ARVCF: variants seen among roughly 807,000 people sequenced by gnomAD.
The protein encoded by ARVCF is splicing regulator ARVCF.
In ARVCF, 66 loss-of-function variants were observed where a neutral mutation model predicts 90.9. The ratio of observed to expected loss-of-function variants is 0.73; its 90% confidence interval spans 0.60 to 0.89. ARVCF has a LOEUF of 0.89. Ranked by LOEUF, ARVCF falls within the 40% of genes least tolerant of loss-of-function variation. The pLI is 0.00. For synonymous variants in ARVCF, 653 were observed against 603.4 expected (o/e 1.08, Z -1.21); for missense variants, 1,469 against 1,382.3 (o/e 1.06, Z -1.00).
intron 3 of ARVCF, chr22:19,983,762 CT>C: frequency 6.6e-6 from 1 of 152,282 alleles, no homozygotes; most frequent in Non-Finnish European, 1.5e-5. Flanking sequence ...CGCCCTCAGT[CT>C]TGAGATGTAG....
chr22:19,970,404 G>T lies in ARVCF; in HGVS notation c.*352C>A. 1 of 1,052,334 alleles carries T rather than the reference G, an allele frequency of 9.5e-7. No homozygotes were observed. The highest frequency in any genetic ancestry group is 2.7e-5 in the South Asian group (1 of 37,056). 65.2% of individuals were successfully genotyped at this position (1,052,334 alleles called of 1,614,324 possible). A position where few individuals can be genotyped will look rare whatever the true frequency, so the allele number is the denominator to read the frequency against. On this transcript the variant is annotated 3_prime_UTR_variant, in exon 20 of 20. Transcript: ENST00000263207. ...ACCACTGGGGCACTGTGTTCCCAGG[G>T]GCACCCTCCTATCCCACCAGCCCCA...
intron 7 of ARVCF, 103 bp from the exon 8 acceptor site, chr22:19,978,178 G>A (rs929383832): frequency 3.9e-6 from 4 of 1,020,300 alleles, no homozygotes; most frequent in Non-Finnish European, 4.2e-6. Flanking sequence ...AGGCCCTGCT[G>A]CTGCCCTCCT....
chr22:19,974,027 CCAGCCGAGG>C, intron 12 of ARVCF, 76 bp downstream of exon 12: 2 of 1,533,454 alleles, frequency 1.3e-6, no homozygotes, highest in Non-Finnish European at 1.7e-6. Flanking sequence ...CCTTTCCCCG[CCAGCCGAGG>C]CAGGAGCTGC....
At chr22:19,981,082 A>C in intron 5 of ARVCF, 129 bp downstream of exon 5, 152 of 1,158,138 alleles carry the variant, frequency 1.3e-4, no homozygotes, top group Middle Eastern at 3.0e-4. Flanking sequence ...GACGAGAGCC[A>C]AGGCCAATTC....
intron 4 of ARVCF, 69 bp downstream of exon 4, chr22:19,981,864 A>G: frequency 6.3e-7 from 1 of 1,578,056 alleles, no homozygotes; most frequent in South Asian, 1.2e-5. Flanking sequence ...TTCCATGTCC[A>G]CTCTGCAGGT....
chr22:19,974,405 G>A (rs1316035065), intron 11 of ARVCF, 166 bp from the exon 12 acceptor site: 7 of 805,086 alleles, frequency 8.7e-6, no homozygotes, highest in Non-Finnish European at 1.2e-5. Flanking sequence ...TCACCCAAGG[G>A]GAAAAGCGTT....
chr22:19,974,578 C>T (rs1943043919), intron 11 of ARVCF, among the ~76,000 whole-genome samples: 1 of 152,066 alleles, frequency 6.6e-6, no homozygotes, highest in Non-Finnish European at 1.5e-5. Context: ...TGCATCCTGG[C>T]CACGCCCCTG....
intron 3 of ARVCF, among the ~76,000 whole-genome samples, chr22:19,988,140 C>T (rs959499455): frequency 7.2e-5 from 11 of 152,192 alleles, no homozygotes; most frequent in African/African-American, 2.7e-4. Context: ...AAACAGCCTC[C>T]GCAGGGACCA....
chr22:19,982,654 G>A (rs1368036496), intron 3 of ARVCF, among the ~76,000 whole-genome samples: 1 of 151,990 alleles, frequency 6.6e-6, no homozygotes, highest in Non-Finnish European at 1.5e-5. Flanking sequence ...CGCCACCAAC[G>A]CCAGCCAGAC....
rs559779679 is a variant in ARVCF at position 19,990,749 on chromosome 22, C to T, written c.46G>A (p.Val16Met). ...VHSAASILASVKEQEARFERL... is the reference protein window; with the variant it reads ...VHSAASILASMKEQEARFERL... ...TCGAAGCGGGCCTCCTGCTCCTTCA[C>T]CGAGGCCAGGATGCTGGCGGCCGAG... Residue 16 changes from valine (V) to methionine (M), a missense_variant, in exon 3 of 20, where the codon GTG becomes ATG. Coordinates refer to ENST00000263207, the MANE Select transcript of ARVCF (RefSeq NM_001670.3). 8 of 1,589,646 alleles carry T rather than the reference C, an allele frequency of 5.0e-6. No individual in the cohort carries two copies. The highest frequency in any genetic ancestry group is 3.4e-5 in the South Asian group (3 of 88,042).
intron 11 of ARVCF, among the ~76,000 whole-genome samples, chr22:19,975,074 C>G (rs1209490910): frequency 6.6e-6 from 1 of 152,184 alleles, no homozygotes; most frequent in Non-Finnish European, 1.5e-5. Context: ...CTCCAACACA[C>G]TCCAAGCACA....
chr22:20,015,017 G>A (rs569804110), intron 1 of ARVCF, among the ~76,000 whole-genome samples: 1 of 152,286 alleles, frequency 6.6e-6, no homozygotes, highest in South Asian at 2.1e-4. Context: ...AGCAAACATG[G>A]GAGCCAAGCA....
downstream of ARVCF, chr22:19,966,943 G>C (rs1942432531): frequency 4.1e-6 from 4 of 985,388 alleles, no homozygotes; most frequent in Non-Finnish European, 4.8e-6. Flanking sequence ...CACGGCATTA[G>C]ATTTTCAGTC....
Position 19,981,583 on chromosome 22 carries a change from A to G in ARVCF, c.524T>C (p.Val175Ala), listed in dbSNP as rs2240717. 592,356 of 1,605,462 alleles carry G rather than the reference A, an allele frequency of 0.37. 112,110 individuals are homozygous for G. Among genetic ancestry groups the G allele is most frequent in the African/African-American group, 0.56 (41,860 of 74,896 alleles). The change falls in exon 5 of 20, where the codon GTG (valine) becomes GCG (alanine). Residue 175 changes from valine (V) to alanine (A), a missense_variant. By Grantham distance (64) the Val-to-Ala change is moderately conservative. Coordinates refer to ENST00000263207, the MANE Select transcript of ARVCF (RefSeq NM_001670.3). ...GAGGTAGGCTCGAGAGAGTGTGGCC[A>G]CTGGGCCACCACCACGCAGCAGGAA... Reference protein sequence around the residue: ...RHFLLRGGGPVATLSRAYLSS... With the variant: ...RHFLLRGGGPAATLSRAYLSS...
At chr22:20,005,155 T>C (rs1944575736) in intron 2 of ARVCF, among the ~76,000 whole-genome samples, 2 of 152,208 alleles carry the variant, frequency 1.3e-5, no homozygotes, top group South Asian at 4.1e-4. Flanking sequence ...GGAATTCATA[T>C]CCAGAATATG....
chr22:20,014,407 C>A (rs904744114), intron 1 of ARVCF, among the ~76,000 whole-genome samples: 1 of 152,182 alleles, frequency 6.6e-6, no homozygotes, highest in Non-Finnish European at 1.5e-5. Flanking sequence ...GTTGGCCAGG[C>A]TAGTGTCAAA....
chr22:19,968,630 G>C, downstream of ARVCF: 1 of 1,614,092 alleles, frequency 6.2e-7, no homozygotes, highest in African/African-American at 1.3e-5. Context: ...CGCGGGAGCA[G>C]CTGCTTTGAG....
chr22:19,995,117 A>G (rs1313047125), intron 2 of ARVCF, among the ~76,000 whole-genome samples: 1 of 151,858 alleles, frequency 6.6e-6, no homozygotes, highest in Admixed American at 6.6e-5. Flanking sequence ...GGAGAAGAGG[A>G]GGCCAGATAG....
chr22:19,986,998 TC>T, intron 3 of ARVCF: 2 of 639,190 alleles, frequency 3.1e-6, no homozygotes, highest in Non-Finnish European at 5.7e-6. Context: ...AAGCGGGTCC[TC>T]CCGGGCAGGC....
Sources: allele counts gnomAD v4.1 joint callset (sites outside exome capture counted in the v4.1 genomes callset), GRCh38; gene constraint gnomAD v4.1.1; transcripts MANE v1.5; gene names NCBI Gene and HGNC (gene_info 2026-07-23, HGNC 2026-07-21).